The following TMEM132D variants were observed in gnomAD, a reference collection of about 807,000 sequenced individuals.
TMEM132D encodes transmembrane protein 132D.
TMEM132D carries 21 observed loss-of-function variants against 62.3 expected under a neutral mutation model. The ratio of observed to expected loss-of-function variants is 0.34; its 90% CI spans 0.24 to 0.49. The LOEUF (loss-of-function observed/expected upper bound fraction) is 0.49, where lower values mean the gene tolerates loss of function less well. TMEM132D is among the 20% of genes least tolerant of loss of function. TMEM132D has a pLI of 0.99. For synonymous variants in TMEM132D, 621 were observed against 575.6 expected (o/e 1.08, Z -1.13); for missense variants, 1,346 against 1,402.8 (o/e 0.96, Z 0.65).
intron 5 of TMEM132D, among the ~76,000 whole-genome samples, chr12:129,086,706 A>AT (rs201035729): frequency 6.9e-6 from 1 of 145,034 alleles, no homozygotes; most frequent in Admixed American, 7.1e-5. Flanking sequence ...ATACAAACTT[A>AT]TATATACAAT....
chr12:129,192,916 A>AT (rs1878445376), intron 5 of TMEM132D, among the ~76,000 whole-genome samples: 1 of 152,168 alleles, frequency 6.6e-6, no homozygotes, highest in African/African-American at 2.4e-5. Context: ...CACGCCTGTA[A>AT]TCCCAACACT....
chr12:129,121,871 G>T (rs910340073), intron 5 of TMEM132D, among the ~76,000 whole-genome samples: 24 of 152,290 alleles, frequency 1.6e-4, no homozygotes, highest in African/African-American at 5.8e-4. Context: ...AACAAAAACT[G>T]CAGCTAGACT....
At chr12:129,414,380 AT>A (rs1872055065) in intron 3 of TMEM132D, among the ~76,000 whole-genome samples, 1 of 152,194 alleles carries the variant, frequency 6.6e-6, no homozygotes, top group Admixed American at 6.5e-5. Context: ...TTTTTAACTT[AT>A]TCAGAAGTCA....
At chr12:129,468,291 C>T (rs114142883) in intron 3 of TMEM132D, among the ~76,000 whole-genome samples, 1 of 152,156 alleles carries the variant, frequency 6.6e-6, no homozygotes, top group African/African-American at 2.4e-5. Context: ...AAATGAGCTC[C>T]ATCTCTATCT....
At chr12:129,286,295 A>G (rs1266018818) in intron 4 of TMEM132D, among the ~76,000 whole-genome samples, 1 of 152,220 alleles carries the variant, frequency 6.6e-6, no homozygotes, top group Non-Finnish European at 1.5e-5. Flanking sequence ...TATGGTGTTT[A>G]ATAAAATTCA....
chr12:129,191,744 T>TGA (rs1442127569), intron 5 of TMEM132D, among the ~76,000 whole-genome samples: 1 of 150,752 alleles, frequency 6.6e-6, no homozygotes, highest in Non-Finnish European at 1.5e-5. Context: ...CAGGATATAA[T>TGA]GAACCATACA....
chr12:129,260,208 C>T (rs1044331806), intron 4 of TMEM132D, among the ~76,000 whole-genome samples: 7 of 151,986 alleles, frequency 4.6e-5, no homozygotes, highest in Admixed American at 3.3e-4. Flanking sequence ...AAACAGCAAG[C>T]GAGTAGGGTG....
intron 5 of TMEM132D, among the ~76,000 whole-genome samples, chr12:129,148,783 G>C (rs999474949): frequency 4.6e-5 from 7 of 152,218 alleles, no homozygotes; most frequent in African/African-American, 1.7e-4. Context: ...GGCTGGTAAG[G>C]TGACAGAGGC....
intron 4 of TMEM132D, among the ~76,000 whole-genome samples, chr12:129,236,132 GTGTA>G (rs1238268034): frequency 8.0e-6 from 1 of 124,268 alleles, no homozygotes; most frequent in African/African-American, 3.2e-5. Context: ...GTGTGTGTGT[GTGTA>G]TGTGTGTATG....
chr12:129,246,039 C>G (rs1880096692), intron 4 of TMEM132D, among the ~76,000 whole-genome samples: 1 of 151,934 alleles, frequency 6.6e-6, no homozygotes, highest in Non-Finnish European at 1.5e-5. Flanking sequence ...CATGTTGGAC[C>G]CTCTCCCCAC....
intron 3 of TMEM132D, among the ~76,000 whole-genome samples, chr12:129,406,870 G>A (rs1226982725): frequency 1.3e-5 from 2 of 152,298 alleles, no homozygotes; most frequent in East Asian, 1.9e-4. Flanking sequence ...GGTTATGCAC[G>A]AAACTGAAAG....
intron 4 of TMEM132D, among the ~76,000 whole-genome samples, chr12:129,303,204 C>T (rs1881768169): frequency 8.2e-6 from 1 of 122,046 alleles, no homozygotes; most frequent in Non-Finnish European, 1.7e-5. Context: ...CGGGACTCTG[C>T]AGAGCCTCCA....
intron 3 of TMEM132D, among the ~76,000 whole-genome samples, chr12:129,378,087 T>G (rs1870835707): frequency 1.3e-5 from 2 of 152,362 alleles, no homozygotes; most frequent in South Asian, 4.1e-4. Context: ...CAAAGACATT[T>G]AATCACTACA....
At chr12:129,553,338 C>G (rs1010002151) in intron 2 of TMEM132D, among the ~76,000 whole-genome samples, 1 of 152,190 alleles carries the variant, frequency 6.6e-6, no homozygotes. Flanking sequence ...TCCCCTGCCC[C>G]CTCACTCTCT....
At chr12:129,866,873 G>A (rs1206206828) in intron 1 of TMEM132D, among the ~76,000 whole-genome samples, 1 of 152,304 alleles carries the variant, frequency 6.6e-6, no homozygotes, top group East Asian at 1.9e-4. Context: ...GCCAAGATGA[G>A]TCAGCCTATG....
At chr12:129,570,146 A>G (rs1877472834) in intron 2 of TMEM132D, among the ~76,000 whole-genome samples, 4 of 152,338 alleles carry the variant, frequency 2.6e-5, no homozygotes, top group Admixed American at 2.6e-4. Flanking sequence ...ACCAGTGAAG[A>G]TGCTTGTGGC....
At chr12:129,882,144 T>C (rs984090821) in intron 1 of TMEM132D, among the ~76,000 whole-genome samples, 5 of 151,984 alleles carry the variant, frequency 3.3e-5, no homozygotes, top group Admixed American at 2.0e-4. Flanking sequence ...TAATAGCTTC[T>C]GAAAAAAAAA....
chr12:129,693,705 T>C (rs1881120945), intron 2 of TMEM132D, among the ~76,000 whole-genome samples: 2 of 152,176 alleles, frequency 1.3e-5, no homozygotes, highest in Non-Finnish European at 2.9e-5. Context: ...CACTCTTCAG[T>C]AGGGAAATTT....
intron 3 of TMEM132D, among the ~76,000 whole-genome samples, chr12:129,416,408 C>T (rs1284514454): frequency 6.6e-6 from 1 of 152,122 alleles, no homozygotes; most frequent in Admixed American, 6.5e-5. Context: ...ATTTTGTATC[C>T]TGAGAATTTG....
Sources: allele counts gnomAD v4.1 joint callset (sites outside exome capture counted in the v4.1 genomes callset), GRCh38; gene constraint gnomAD v4.1.1; transcripts MANE v1.5; gene names NCBI Gene and HGNC (gene_info 2026-07-23, HGNC 2026-07-21).